The following GLRA3 variants were observed in gnomAD, a reference collection of about 807,000 sequenced individuals.
GLRA3 encodes the protein glycine receptor subunit alpha-3.
In GLRA3, 44 loss-of-function variants were observed where a neutral mutation model predicts 60.4. That is an observed-to-expected ratio of 0.73 (90% CI 0.57 to 0.94). GLRA3 has a LOEUF of 0.94. GLRA3 is among the 40% of genes least tolerant of loss of function. GLRA3 has a pLI of 0.00. For missense variants in GLRA3, 508 were observed against 564.6 expected, an observed-to-expected ratio of 0.90 and a Z score of 1.02; for synonymous variants, 223 against 192.9, an observed-to-expected ratio of 1.16 and a Z score of -1.29.
At chr4:174,766,526 G>A (rs1397638891) in intron 3 of GLRA3, among the ~76,000 whole-genome samples, 2 of 151,936 alleles carry the variant, frequency 1.3e-5, no homozygotes, top group Non-Finnish European at 2.9e-5. Context: ...AAATCTATAA[G>A]TATAATGTTT....
intron 2 of GLRA3, among the ~76,000 whole-genome samples, chr4:174,771,307 A>AT (rs1579579837): frequency 6.6e-6 from 1 of 152,024 alleles, no homozygotes. Context: ...TCAGAAGATA[A>AT]TTTTTTCTTA....
At chr4:174,767,134 A>G (rs1738175021) in intron 2 of GLRA3, 104 bp from the exon 3 acceptor site, 2 of 563,918 alleles carry the variant, frequency 3.5e-6, no homozygotes, top group Admixed American at 2.8e-5. Context: ...ACACACACAC[A>G]CACACACACA....
chr4:174,760,319 G>A (rs891959439), intron 3 of GLRA3, among the ~76,000 whole-genome samples: 2 of 152,186 alleles, frequency 1.3e-5, no homozygotes, highest in African/African-American at 4.8e-5. Flanking sequence ...AATACTAAGT[G>A]TTGGAGAACA....
rs924457206 is a variant in GLRA3 at position 174,637,036 on chromosome 4, T to C, written c.*6750A>G. 1 of 152,190 alleles carries C rather than the reference T, an allele frequency of 6.6e-6. No homozygotes were observed. Among genetic ancestry groups the C allele is most frequent in the East Asian group, 1.9e-4 (1 of 5,196 alleles). 9.4% of individuals were successfully genotyped at this position (152,190 alleles called of 1,614,324 possible). Reference sequence around the variant, plus strand: ...GATAGAGAGTCTGTTAGTTGCAAAATTGAACTAAATATAATATAATGAAAA... The same window carrying C: ...GATAGAGAGTCTGTTAGTTGCAAAACTGAACTAAATATAATATAATGAAAA... On this transcript the variant is annotated 3_prime_UTR_variant, in exon 10 of 10. Transcript: ENST00000274093.
At chr4:174,704,998 T>C (rs1293231692) in intron 5 of GLRA3, among the ~76,000 whole-genome samples, 2 of 143,818 alleles carry the variant, frequency 1.4e-5, no homozygotes, top group Non-Finnish European at 3.1e-5. Flanking sequence ...TGAAATAGTT[T>C]GGGAGATTGC....
At chr4:174,767,677 C>T (rs978469040) in intron 2 of GLRA3, among the ~76,000 whole-genome samples, 7 of 152,040 alleles carry the variant, frequency 4.6e-5, no homozygotes, top group African/African-American at 1.7e-4. Context: ...CCACTCTTGC[C>T]AAGGGTCTTC....
intron 5 of GLRA3, among the ~76,000 whole-genome samples, chr4:174,687,287 C>T (rs1329577173): frequency 3.3e-5 from 5 of 152,096 alleles, no homozygotes. Flanking sequence ...TCGGAATGTT[C>T]TTGATCTTTG....
intron 5 of GLRA3, among the ~76,000 whole-genome samples, chr4:174,706,291 A>C (rs1006498129): frequency 2.0e-5 from 3 of 152,194 alleles, no homozygotes; most frequent in Non-Finnish European, 4.4e-5. Flanking sequence ...CGATGGGTCA[A>C]GCTATCGATA....
At chr4:174,666,950 C>G (rs1733701971) in intron 7 of GLRA3, among the ~76,000 whole-genome samples, 1 of 151,698 alleles carries the variant, frequency 6.6e-6, no homozygotes, top group African/African-American at 2.4e-5. Flanking sequence ...AGCTAGGATA[C>G]AATGCAAGTA....
intron 5 of GLRA3, among the ~76,000 whole-genome samples, chr4:174,703,148 A>G (rs1735388376): frequency 6.6e-6 from 1 of 152,208 alleles, no homozygotes; most frequent in Non-Finnish European, 1.5e-5. Context: ...AACTTCTGAG[A>G]GCTCAGAAAT....
intron 3 of GLRA3, among the ~76,000 whole-genome samples, chr4:174,737,787 C>T (rs918844639): frequency 1.3e-5 from 2 of 152,198 alleles, no homozygotes; most frequent in African/African-American, 4.8e-5. Flanking sequence ...GCTGGGATTA[C>T]AGGCGTGAGC....
chr4:174,707,945 A>G (rs1233601183), intron 5 of GLRA3, among the ~76,000 whole-genome samples: 3 of 152,162 alleles, frequency 2.0e-5, no homozygotes, highest in Admixed American at 6.5e-5. Flanking sequence ...GAGAATGGCC[A>G]TTGGTGTTGC....
intron 7 of GLRA3, among the ~76,000 whole-genome samples, chr4:174,663,436 C>CT (rs1019669065): frequency 6.6e-6 from 1 of 152,142 alleles, no homozygotes; most frequent in African/African-American, 2.4e-5. Context: ...CTTGAGCATC[C>CT]TGAATCCATA....
chr4:174,815,475 T>A (rs1007532661), intron 1 of GLRA3, among the ~76,000 whole-genome samples: 7 of 152,228 alleles, frequency 4.6e-5, no homozygotes, highest in African/African-American at 1.2e-4. Flanking sequence ...TGCACTGCCC[T>A]AGCAGAAGTT....
At chr4:174,779,982 G>A (rs1200608309) in intron 2 of GLRA3, among the ~76,000 whole-genome samples, 7 of 143,742 alleles carry the variant, frequency 4.9e-5, no homozygotes, top group South Asian at 4.5e-4. Flanking sequence ...GATACTCCTC[G>A]AGAAGAGCAA....
At chr4:174,789,817 T>C (rs1198509322) in intron 1 of GLRA3, among the ~76,000 whole-genome samples, 1 of 152,190 alleles carries the variant, frequency 6.6e-6, no homozygotes, top group Non-Finnish European at 1.5e-5. Context: ...TTTCTGGAAC[T>C]GATGTGTTCA....
chr4:174,766,260 T>C (rs914379372), intron 3 of GLRA3, among the ~76,000 whole-genome samples: 2 of 151,996 alleles, frequency 1.3e-5, no homozygotes, highest in African/African-American at 2.4e-5. Flanking sequence ...AGAATCATCA[T>C]CTATACAGTT....
chr4:174,761,338 T>G (rs1250944898), intron 3 of GLRA3, among the ~76,000 whole-genome samples: 1 of 152,208 alleles, frequency 6.6e-6, no homozygotes, highest in East Asian at 1.9e-4. Context: ...CATTTATATA[T>G]AAGTGCTTAC....
At chr4:174,776,001 G>T (rs34594753) in intron 2 of GLRA3, among the ~76,000 whole-genome samples, 5,259 of 152,176 alleles carry the variant, frequency 0.035, 134 homozygotes, top group Admixed American at 0.056. Flanking sequence ...TGCATGGAGA[G>T]GGGAAGGAGG....
Sources: gnomAD v4.1 joint callset for allele counts (sites outside exome capture counted in the v4.1 genomes callset) on GRCh38, gnomAD v4.1.1 for gene constraint, MANE v1.5 for transcripts, NCBI Gene and HGNC (gene_info 2026-07-23, HGNC 2026-07-21) for gene names.